The following GLYATL1 variants were observed in gnomAD, a reference collection of about 807,000 sequenced individuals.
GLYATL1 encodes glycine N-acyltransferase-like protein 1.
GLYATL1 carries 15 observed loss-of-function variants against 20.0 expected under a neutral mutation model. The ratio of observed to expected loss-of-function variants is 0.75; its 90% confidence interval spans 0.50 to 1.15. The LOEUF (loss-of-function observed/expected upper bound fraction) is 1.15. Among genes scored for constraint, GLYATL1 ranks in the 50% most tolerant of loss-of-function variants. The pLI, the probability that GLYATL1 is intolerant of heterozygous loss-of-function variation, is 0.00. For missense variants in GLYATL1, 380 were observed against 368.5 expected, an observed-to-expected ratio of 1.03 and a Z score of -0.26; for synonymous variants, 151 against 131.5, an observed-to-expected ratio of 1.15 and a Z score of -1.01.
At chr11:58,930,833 A>AGACAGAC (rs1855570956) in intron 1 of GLYATL1, among the ~76,000 whole-genome samples, 1 of 152,318 alleles carries the variant, frequency 6.6e-6, no homozygotes, top group East Asian at 1.9e-4. Context: ...GAGAGAGTAG[A>AGACAGAC]GACAGACTCA....
rs773427986 is a variant in GLYATL1 at position 58,947,882 on chromosome 11, A to G, written c.103A>G (p.Asn35Asp). ...GGTGTATGGCTCTGTGTATCACATC[A>G]ATCACGGGAACCCCTTCAACATGGA... ...LKVYGSVYHINHGNPFNMEVL... is the reference protein window; with the variant it reads ...LKVYGSVYHIDHGNPFNMEVL... The change falls in exon 4 of 7, where the codon AAT becomes GAT. Residue 35 changes from asparagine (N) to aspartate (D), a missense_variant. Transcript: ENST00000532726. 2.5e-6 allele frequency: 4 copies of G among 1,613,418 alleles called. No homozygotes were observed. Among genetic ancestry groups the G allele is most frequent in the Middle Eastern group, 1.6e-4 (1 of 6,084 alleles).
intron 1 of GLYATL1, among the ~76,000 whole-genome samples, chr11:58,942,300 C>T (rs1251865533): frequency 6.6e-6 from 1 of 152,150 alleles, no homozygotes; most frequent in Non-Finnish European, 1.5e-5. Flanking sequence ...GCAGACCTAC[C>T]CTCTGCTTCA....
intron 1 of GLYATL1, 73 bp from the exon 2 acceptor site, chr11:58,943,470 C>G: frequency 6.5e-7 from 1 of 1,535,608 alleles, no homozygotes; most frequent in Non-Finnish European, 8.8e-7. Flanking sequence ...TGTAGGCTGC[C>G]GGATTCACAA....
At chr11:58,918,985 T>C (rs1276518208) in intron 1 of GLYATL1, among the ~76,000 whole-genome samples, 1 of 152,226 alleles carries the variant, frequency 6.6e-6, no homozygotes, top group African/African-American at 2.4e-5. Context: ...CAAGCACGGT[T>C]CCTGTAACTT....
chr11:58,912,218 G>A (rs952160378), downstream of GLYATL1, among the ~76,000 whole-genome samples: 2 of 152,146 alleles, frequency 1.3e-5, no homozygotes, highest in Non-Finnish European at 2.9e-5. Flanking sequence ...GGGTTTGAAG[G>A]GGCAATGTGA....
chr11:58,934,035 G>A (rs996852182), intron 1 of GLYATL1: 9 of 152,616 alleles, frequency 5.9e-5, no homozygotes, highest in African/African-American at 1.9e-4. Flanking sequence ...GGTCCACAGG[G>A]GCTAACATGG....
At chr11:58,931,708 C>A (rs559287767) in intron 1 of GLYATL1, among the ~76,000 whole-genome samples, 1 of 152,150 alleles carries the variant, frequency 6.6e-6, no homozygotes, top group East Asian at 1.9e-4. Context: ...ATGAACAACT[C>A]CTGTTCTTTA....
In GLYATL1 at chr11:58,943,622, A is replaced by T; in HGVS notation, c.-87A>T. ...AGTGAACACGGAAGGTACCTGCAGG[A>T]TCCAATTGTGTCCATTGATCTCTCA... On this transcript the variant is annotated 5_prime_UTR_variant, in exon 2 of 7. Transcript: ENST00000532726. 6.2e-7 allele frequency: 1 copy of T among 1,613,654 alleles called. No homozygotes were observed. Among genetic ancestry groups the T allele is most frequent in the Non-Finnish European group, 8.5e-7 (1 of 1,179,638 alleles).
At chr11:58,948,633 C>T (rs1332117834) in intron 4 of GLYATL1, among the ~76,000 whole-genome samples, 1 of 151,202 alleles carries the variant, frequency 6.6e-6, no homozygotes, top group East Asian at 2.0e-4. Context: ...AGAGTGAGAC[C>T]CTGTTGTTTT....
chr11:58,920,360 C>T (rs1396840973), intron 1 of GLYATL1, among the ~76,000 whole-genome samples: 6 of 152,108 alleles, frequency 3.9e-5, no homozygotes, highest in Non-Finnish European at 7.4e-5. Flanking sequence ...TAAAAATTTG[C>T]TTTTAGGTAT....
At chr11:58,952,583 G>A (rs1004315344) in intron 4 of GLYATL1, among the ~76,000 whole-genome samples, 5 of 151,904 alleles carry the variant, frequency 3.3e-5, no homozygotes, top group Middle Eastern at 3.2e-3. Flanking sequence ...TTTTAAATAC[G>A]GGGGTACATG....
downstream of GLYATL1, among the ~76,000 whole-genome samples, chr11:58,912,891 G>T (rs2134652170): frequency 6.6e-6 from 1 of 152,322 alleles, no homozygotes; most frequent in East Asian, 1.9e-4. Flanking sequence ...GAAAAGTTTT[G>T]CTAGTGGATC....
upstream of GLYATL1, among the ~76,000 whole-genome samples, chr11:58,925,559 T>C (rs1855408087): frequency 6.6e-6 from 1 of 152,186 alleles, no homozygotes; most frequent in Non-Finnish European, 1.5e-5. Context: ...TTTCTTCTAG[T>C]TTCTTTTTAA....
At chr11:58,918,658 T>C (rs1269676662) in intron 1 of GLYATL1, among the ~76,000 whole-genome samples, 1 of 152,106 alleles carries the variant, frequency 6.6e-6, no homozygotes, top group African/African-American at 2.4e-5. Flanking sequence ...AACAGAATAA[T>C]GGAAGTATAA....
chr11:58,948,345 A>G (rs1420496250), intron 4 of GLYATL1, among the ~76,000 whole-genome samples: 1 of 152,140 alleles, frequency 6.6e-6, no homozygotes, highest in Non-Finnish European at 1.5e-5. Flanking sequence ...TACCAGTAAA[A>G]TTACCTCTCA....
chr11:58,943,758 G>A, intron 2 of GLYATL1, 92 bp downstream of exon 2: 1 of 1,542,660 alleles, frequency 6.5e-7, no homozygotes, highest in Admixed American at 1.9e-5. Context: ...AACTGGGTTT[G>A]GAGTCACAAC....
At chr11:58,940,460 A>G (rs1295509071) in intron 1 of GLYATL1, among the ~76,000 whole-genome samples, 1 of 152,158 alleles carries the variant, frequency 6.6e-6, no homozygotes, top group Non-Finnish European at 1.5e-5. Flanking sequence ...GGGTGTATGT[A>G]TGTCTAGATG....
At chr11:58,917,427 T>C (rs1207317318) in intron 1 of GLYATL1, 3 of 152,182 alleles carry the variant, frequency 2.0e-5, no homozygotes, top group Non-Finnish European at 4.4e-5. Flanking sequence ...GCTTCTAAGG[T>C]GGGCTAGCTT....
At chr11:58,906,420 CTT>C (rs533221552) in intron 1 of GLYATL1, among the ~76,000 whole-genome samples, 202 of 152,214 alleles carry the variant, frequency 1.3e-3, no homozygotes, top group African/African-American at 4.7e-3. Context: ...AGAGCAGAAA[CTT>C]TATTCACTGA....
Sources: gnomAD v4.1 joint callset for allele counts (sites outside exome capture counted in the v4.1 genomes callset) on GRCh38, gnomAD v4.1.1 for gene constraint, MANE v1.5 for transcripts, NCBI Gene and HGNC (gene_info 2026-07-23, HGNC 2026-07-21) for gene names.